ZBTB25: variants seen among roughly 807,000 people sequenced by gnomAD.
ZBTB25 encodes zinc finger and BTB domain-containing protein 25.
A neutral mutation model predicts 34.2 loss-of-function variants in ZBTB25; 20 were observed. That is an observed-to-expected ratio of 0.58 (90% CI 0.41 to 0.85). The LOEUF (loss-of-function observed/expected upper bound fraction) is 0.85, where lower values mean the gene tolerates loss of function less well. ZBTB25 is among the 40% of genes least tolerant of loss of function. ZBTB25 has a pLI of 0.00. For synonymous variants in ZBTB25, 175 were observed against 186.4 expected, an observed-to-expected ratio of 0.94 and a Z score of 0.50; for missense variants, 437 against 521.8, an observed-to-expected ratio of 0.84 and a Z score of 1.58.
intron 2 of ZBTB25, chr14:64,471,967 T>C (rs930248868): frequency 6.0e-6 from 1 of 166,414 alleles, no homozygotes; most frequent in African/African-American, 2.4e-5. Context: ...TTAGCAAGAT[T>C]CTTTGCTGAA....
Position 64,480,250 on chromosome 14 carries a change from G to T in ZBTB25, c.*6673C>A, listed in dbSNP as rs1195837927. 2 of 311,470 alleles carry T rather than the reference G, an allele frequency of 6.4e-6. No homozygotes were observed. Among genetic ancestry groups the T allele is most frequent in the Non-Finnish European group, 1.2e-5 (2 of 161,938 alleles). The allele number at this position is 311,470 out of a possible 1,614,324, so 19.3% of individuals were successfully genotyped here. Reference sequence around the variant, plus strand: ...AGGCAGGAGAATAGCTTGAACCTGGGATGTGAAGGTTGCAGTGAGCCGAGA... The same window carrying T: ...AGGCAGGAGAATAGCTTGAACCTGGTATGTGAAGGTTGCAGTGAGCCGAGA... On this transcript the variant is annotated 3_prime_UTR_variant, in exon 3 of 3. Transcript: ENST00000608382.
upstream of ZBTB25, chr14:64,504,731 G>A (rs190704564): frequency 1.1e-3 from 397 of 373,374 alleles, 2 homozygotes; most frequent in Non-Finnish European, 6.3e-4. Flanking sequence ...GGCTCAGTGC[G>A]GTGCGGCAGG....
rs374229822 is a variant in ZBTB25 at position 64,458,197 on chromosome 14, G to A, written c.174-8559C>T. On this transcript the variant is annotated intron_variant, in intron 2 of 2. Transcript: ENST00000555220. ...TGCCCAGCATTAGTTTATTTGTAATGCTTTTTTACATCCTAGATGAGCACA... is the reference window on the plus strand; with the variant it reads ...TGCCCAGCATTAGTTTATTTGTAATACTTTTTTACATCCTAGATGAGCACA... 483 of 1,576,830 alleles carry A rather than the reference G, an allele frequency of 3.1e-4. 5 individuals carry two copies. The South Asian group carries it at 5.0e-3, about 16-fold the overall frequency.
chr14:64,498,969 T>C (rs1405513159), intron 1 of ZBTB25, among the ~76,000 whole-genome samples: 2 of 152,176 alleles, frequency 1.3e-5, no homozygotes, highest in Non-Finnish European at 2.9e-5. Flanking sequence ...CAGGTGATTC[T>C]AACGTGACTG....
In ZBTB25 at chr14:64,468,997, T is replaced by C. The variant is rs779319378; in HGVS notation, c.174-19359A>G. On this transcript the variant is annotated intron_variant, in intron 2 of 2. Transcript: ENST00000555220. Reference sequence around the variant, plus strand: ...AGGTCTGTGAATCAAATGTGAGCAATAGCACAACTTCTGGAGAGAAAGTGA... The same window carrying C: ...AGGTCTGTGAATCAAATGTGAGCAACAGCACAACTTCTGGAGAGAAAGTGA... 9 of 1,614,114 alleles carry C rather than the reference T, an allele frequency of 5.6e-6. No individual in the cohort carries two copies. In the Admixed American group the frequency reaches 8.3e-5, roughly 15 times the overall value.
upstream of ZBTB25, chr14:64,504,881 C>T (rs901446268): frequency 1.3e-5 from 5 of 396,916 alleles, no homozygotes; most frequent in African/African-American, 8.2e-5. Context: ...CTTCGCCCGC[C>T]TTTCCCGCGG....
At chr14:64,503,478 A>G in intron 1 of ZBTB25, 183 bp downstream of exon 1, 11 of 985,118 alleles carry the variant, frequency 1.1e-5, no homozygotes, top group Non-Finnish European at 1.3e-5. Context: ...CCCAGCGCTC[A>G]CTCGCGGATG....
At chr14:64,454,287 G>C (rs1327190712) in intron 2 of ZBTB25, among the ~76,000 whole-genome samples, 1 of 151,898 alleles carries the variant, frequency 6.6e-6, no homozygotes, top group African/African-American at 2.4e-5. Flanking sequence ...TAATTTTTGT[G>C]TTTTTTGTTG....
chr14:64,472,646 C>T (rs1300139859), intron 2 of ZBTB25: 1 of 166,918 alleles, frequency 6.0e-6, no homozygotes, highest in East Asian at 1.9e-4. Flanking sequence ...AAAGGAATTC[C>T]GAAATTAACT....
rs867090009 is a variant in ZBTB25, at chr14:64,483,508, A to C, written c.*3415T>G. The C allele has an allele frequency of 8.6e-5, 13 of 151,866 alleles. No homozygotes were observed. Among genetic ancestry groups the C allele is most frequent in the African/African-American group, 3.1e-4 (13 of 41,390 alleles). 9.4% of individuals were successfully genotyped at this position (151,866 alleles called of 1,614,324 possible). On this transcript the variant is annotated 3_prime_UTR_variant, in exon 3 of 3. Transcript: ENST00000608382. ...TAGCCAGGATGGTCTGGATCTTCTG[A>C]CCTCGTGACCCGCCCGCCTCGGCCT...
At chr14:64,490,996 G>A (rs1367499777) in intron 1 of ZBTB25, among the ~76,000 whole-genome samples, 2 of 152,178 alleles carry the variant, frequency 1.3e-5, no homozygotes, top group Non-Finnish European at 2.9e-5. Context: ...ACATAACACG[G>A]TATCCTGGCT....
In ZBTB25 at chr14:64,499,805, A is replaced by G. The variant is rs182073500; in HGVS notation, c.-8+3856T>C. On this transcript the variant is annotated intron_variant, in intron 1 of 2. Coordinates refer to ENST00000608382, the MANE Select transcript of ZBTB25 (RefSeq NM_006977.5). ...TTGAGGTAAAATCTGCTGTAATTCC[A>G]GACATCTGCTTATTAAGATCTACTG... 4.1e-3 allele frequency among the ~76,000 whole-genome samples: 632 copies of G among 152,366 alleles called. 5 individuals carry two copies. The highest frequency in any genetic ancestry group is 0.015 in the African/African-American group (610 of 41,592).
chr14:64,467,228 GCT>G (rs1374272564), intron 2 of ZBTB25: 8 of 152,220 alleles, frequency 5.3e-5, no homozygotes, highest in African/African-American at 1.7e-4. Flanking sequence ...GTTAATCTGA[GCT>G]CTGTTACAGC....
At chr14:64,454,624 C>T (rs1026156993) in intron 2 of ZBTB25, 204 of 973,574 alleles carry the variant, frequency 2.1e-4, no homozygotes, top group Non-Finnish European at 2.4e-4. Context: ...TTGGATGTTT[C>T]GAATAAATTG....
At chr14:64,456,009 C>T (rs1173491854) in intron 2 of ZBTB25, among the ~76,000 whole-genome samples, 1 of 152,216 alleles carries the variant, frequency 6.6e-6, no homozygotes, top group Non-Finnish European at 1.5e-5. Context: ...TACCCAGCAC[C>T]TTGAATAGTG....
At chr14:64,490,826 C>T (rs751331649) in intron 1 of ZBTB25, among the ~76,000 whole-genome samples, 3 of 152,096 alleles carry the variant, frequency 2.0e-5, no homozygotes, top group Non-Finnish European at 4.4e-5. Flanking sequence ...TGAAGACAGA[C>T]CTGTCCTTTT....
chr14:64,458,348 G>A (rs769182772), intron 2 of ZBTB25: 1 of 1,269,870 alleles, frequency 7.9e-7, no homozygotes, highest in Non-Finnish European at 1.2e-6. Context: ...TTTTCCTCAT[G>A]TAGCTTATTT....
chr14:64,469,401 A>T (rs1431836145), intron 2 of ZBTB25: 1 of 1,613,888 alleles, frequency 6.2e-7, no homozygotes, highest in African/African-American at 1.3e-5. Context: ...AAAAGAATGG[A>T]GCCAATTGCT....
At chr14:64,451,875 C>T (rs2078378196) in intron 2 of ZBTB25, among the ~76,000 whole-genome samples, 1 of 152,204 alleles carries the variant, frequency 6.6e-6, no homozygotes, top group Non-Finnish European at 1.5e-5. Flanking sequence ...ATCTGTGTTT[C>T]ATCTTTATAA....
Sources: allele counts gnomAD v4.1 joint callset (sites outside exome capture counted in the v4.1 genomes callset), GRCh38; gene constraint gnomAD v4.1.1; transcripts MANE v1.5; gene names NCBI Gene and HGNC (gene_info 2026-07-23, HGNC 2026-07-21).